GTF2A2: variants seen among roughly 807,000 people sequenced by gnomAD.
GTF2A2 encodes the protein transcription initiation factor IIA subunit 2.
GTF2A2 carries 9 observed loss-of-function variants against 14.3 expected under a neutral mutation model. That is an observed-to-expected ratio of 0.63 (90% CI 0.38 to 1.10). The LOEUF (loss-of-function observed/expected upper bound fraction) is 1.10. Among genes scored for constraint, GTF2A2 ranks in the 50% least tolerant of loss-of-function variants. The pLI is 0.01. For synonymous variants in GTF2A2, 56 were observed against 46.0 expected (o/e 1.22, Z -0.88); for missense variants, 90 against 124.6 (o/e 0.72, Z 1.32).
intron 3 of GTF2A2, among the ~76,000 whole-genome samples, chr15:59,648,015 T>C (rs1269747506): frequency 5.9e-5 from 9 of 152,256 alleles, no homozygotes; most frequent in African/African-American, 2.2e-4. Flanking sequence ...TTAAATCTTT[T>C]AACGCTTGTT....
At chr15:59,641,337 T>G (rs1249252202) in intron 4 of GTF2A2, among the ~76,000 whole-genome samples, 1 of 152,174 alleles carries the variant, frequency 6.6e-6, no homozygotes. Context: ...TTGTATTCTC[T>G]ACATTTTTTC....
chr15:59,643,260 A>G (rs1891492302), intron 3 of GTF2A2, among the ~76,000 whole-genome samples: 1 of 151,270 alleles, frequency 6.6e-6, no homozygotes. Flanking sequence ...TTGTATTTTT[A>G]GTAGAGACAG....
intron 4 of GTF2A2, among the ~76,000 whole-genome samples, chr15:59,639,438 T>C (rs1159124983): frequency 6.6e-6 from 1 of 150,438 alleles, no homozygotes; most frequent in African/African-American, 2.4e-5. Context: ...ATAACCTTTC[T>C]TCCCCCAGGT....
At chr15:59,652,502 T>G (rs1319806380) in intron 1 of GTF2A2, among the ~76,000 whole-genome samples, 176 bp from the exon 2 acceptor site, 3 of 152,222 alleles carry the variant, frequency 2.0e-5, no homozygotes, top group African/African-American at 7.2e-5. Context: ...ATTTTCCAGT[T>G]TTTTTCCCCA....
At chr15:59,649,630 T>C (rs545764456) in intron 3 of GTF2A2, among the ~76,000 whole-genome samples, 1 of 152,344 alleles carries the variant, frequency 6.6e-6, no homozygotes, top group East Asian at 1.9e-4. Flanking sequence ...CTTGAAGGCA[T>C]ATTTTACTCC....
chr15:59,639,783 C>T (rs1274512995), intron 4 of GTF2A2, among the ~76,000 whole-genome samples: 1 of 142,090 alleles, frequency 7.0e-6, no homozygotes, highest in African/African-American at 2.7e-5. Context: ...CAGAGTCACA[C>T]TGTGTTGCCC....
chr15:59,643,595 C>CTTT (rs34047348), intron 3 of GTF2A2, among the ~76,000 whole-genome samples: 286 of 109,796 alleles, frequency 2.6e-3, no homozygotes, highest in Non-Finnish European at 3.9e-3. Flanking sequence ...GAAATTTTTA[C>CTTT]TTTTTTTTTT....
At chr15:59,652,924 G>C (rs1891837075) in intron 1 of GTF2A2, 1 of 152,156 alleles carries the variant, frequency 6.6e-6, no homozygotes, top group Non-Finnish European at 1.5e-5. Flanking sequence ...AAAGCTTCCA[G>C]GTTCTTTAAG....
At chr15:59,646,112 A>G (rs796804477) in intron 3 of GTF2A2, among the ~76,000 whole-genome samples, 154 of 152,054 alleles carry the variant, frequency 1.0e-3, no homozygotes, top group African/African-American at 3.5e-3. Flanking sequence ...GATGGAGCAC[A>G]GTGGTGTGAT....
At chr15:59,645,131 T>C (rs1404600234) in intron 3 of GTF2A2, among the ~76,000 whole-genome samples, 1 of 152,176 alleles carries the variant, frequency 6.6e-6, no homozygotes, top group Non-Finnish European at 1.5e-5. Context: ...AAATCCACGG[T>C]AACTCCCAAG....
At chr15:59,652,475 A>G in intron 1 of GTF2A2, 149 bp from the exon 2 acceptor site, 1 of 517,892 alleles carries the variant, frequency 1.9e-6, no homozygotes, top group Non-Finnish European at 3.4e-6. Flanking sequence ...TAGAATTACA[A>G]GGAATTGCTA....
At chr15:59,641,142 C>T (rs563961799) in intron 4 of GTF2A2, among the ~76,000 whole-genome samples, 1 of 150,212 alleles carries the variant, frequency 6.7e-6, no homozygotes, top group African/African-American at 2.5e-5. Context: ...TCACCTGAGC[C>T]CAGGAGTTTA....
intron 1 of GTF2A2, among the ~76,000 whole-genome samples, chr15:59,653,622 T>C (rs909325339): frequency 1.3e-5 from 2 of 151,910 alleles, no homozygotes; most frequent in Non-Finnish European, 2.9e-5. Flanking sequence ...ACTCTCTTAG[T>C]TACCTCATCC....
intron 3 of GTF2A2, among the ~76,000 whole-genome samples, chr15:59,649,854 C>T (rs1247798001): frequency 6.6e-6 from 1 of 152,084 alleles, no homozygotes; most frequent in Non-Finnish European, 1.5e-5. Flanking sequence ...AAATTGTTTA[C>T]TGAATGTTTA....
chr15:59,639,629 A>C (rs1425290874), intron 4 of GTF2A2, among the ~76,000 whole-genome samples: 1 of 149,924 alleles, frequency 6.7e-6, no homozygotes, highest in East Asian at 2.1e-4. Context: ...CGCCCAGCTA[A>C]TTTTTTGTAC....
intron 3 of GTF2A2, among the ~76,000 whole-genome samples, chr15:59,644,730 G>C (rs1330225237): frequency 1.3e-5 from 2 of 152,232 alleles, no homozygotes; most frequent in Non-Finnish European, 2.9e-5. Flanking sequence ...AGTCAATGGA[G>C]AGGAGGGATA....
intron 3 of GTF2A2, among the ~76,000 whole-genome samples, chr15:59,643,796 C>A (rs1891513808): frequency 6.6e-6 from 1 of 151,178 alleles, no homozygotes. Flanking sequence ...ATGGGTTTCA[C>A]CATGTTGTCC....
intron 1 of GTF2A2, among the ~76,000 whole-genome samples, chr15:59,653,744 G>C (rs1891862637): frequency 6.6e-6 from 1 of 152,046 alleles, no homozygotes; most frequent in African/African-American, 2.4e-5. Flanking sequence ...CTTGACACTG[G>C]ATAAAAATAT....
chr15:59,638,990 A>G lies in GTF2A2; in HGVS notation c.*142T>C. The G allele has an allele frequency of 6.3e-6, 4 of 636,602 alleles. No individual in the cohort carries two copies. The highest frequency in any genetic ancestry group is 8.6e-6 in the Non-Finnish European group (3 of 349,052). The allele number at this position is 636,602 out of a possible 1,614,324, so 39.4% of individuals were successfully genotyped here. On this transcript the variant is annotated 3_prime_UTR_variant, in exon 5 of 5. Coordinates refer to ENST00000396060, the MANE Select transcript of GTF2A2 (RefSeq NM_004492.3). ...TGATGTAAGAGGCTACAGAGTTACA[A>G]GTTTCTTTCTACTGGAATTCTCTGG...
Sources: gnomAD v4.1 joint callset for allele counts (sites outside exome capture counted in the v4.1 genomes callset) on GRCh38, gnomAD v4.1.1 for gene constraint, MANE v1.5 for transcripts, NCBI Gene and HGNC (gene_info 2026-07-23, HGNC 2026-07-21) for gene names.